Variants in NUDT19 observed in about 807,000 individuals in gnomAD.
NUDT19 encodes nudix hydrolase 19, also known as acyl-coenzyme A diphosphatase NUDT19.
Under a neutral mutation model 22.2 loss-of-function variants are expected in NUDT19, and 31 were observed. The observed-to-expected ratio is 1.40, with a 90% CI of 1.05 to 1.89. The LOEUF (loss-of-function observed/expected upper bound fraction) is 1.89, where lower values mean the gene tolerates loss of function less well. Ranked by LOEUF, NUDT19 falls within the 40% of genes most tolerant of loss-of-function variation. NUDT19 has a pLI of 0.00. For synonymous variants in NUDT19, 325 were observed against 230.8 expected (o/e 1.41, Z -3.70); for missense variants, 752 against 514.2 (o/e 1.46, Z -4.47).
Position 32,692,340 on chromosome 19 carries a change from G to A in NUDT19, c.380G>A (p.Cys127Tyr), listed in dbSNP as rs953356345. ...TLPEDVAFRI[C>Y]AVREAFEEAG... ...CCTGAGGACGTAGCCTTCCGCATCT[G>A]CGCCGTGCGGGAGGCCTTTGAGGAG... Residue 127 changes from cysteine (C) to tyrosine (Y), a missense_variant, in exon 1 of 3, where the codon TGC (cysteine) becomes TAC (tyrosine). Cys to Tyr is a radical substitution (Grantham distance 194). Transcript: ENST00000397061. 1.3e-6 allele frequency: 2 copies of A among 1,591,044 alleles called. No individual in the cohort carries two copies. Among genetic ancestry groups the A allele is most frequent in the Admixed American group, 1.7e-5 (1 of 59,612 alleles).
intron 2 of NUDT19, 76 bp downstream of exon 2, chr19:32,709,468 C>A: frequency 8.8e-7 from 1 of 1,137,746 alleles, no homozygotes; most frequent in Non-Finnish European, 1.3e-6. Flanking sequence ...TATTGCCCAA[C>A]GTAGAGACAG....
chr19:32,692,328 C>T lies in NUDT19; in HGVS notation c.368C>T (p.Ala123Val), dbSNP rs1359908411. The change falls in exon 1 of 3, where the codon GCC becomes GTC. Residue 123 changes from alanine (A) to valine (V), a missense_variant. Coordinates refer to ENST00000397061, the MANE Select transcript of NUDT19 (RefSeq NM_001105570.2). The stretch of plus-strand genomic sequence containing the variant: ...ACTGGGACGCTGCCTGAGGACGTAG[C>T]CTTCCGCATCTGCGCCGTGCGGGAG... ...DNTGTLPEDV[A>V]FRICAVREAF... is the part of the protein sequence containing the mutation. 2 of 1,591,932 alleles carry T rather than the reference C, an allele frequency of 1.3e-6. No individual in the cohort carries two copies. Among genetic ancestry groups the T allele is most frequent in the Non-Finnish European group, 8.5e-7 (1 of 1,177,250 alleles).
intron 1 of NUDT19, among the ~76,000 whole-genome samples, chr19:32,705,160 C>T (rs552562356): frequency 2.7e-5 from 4 of 147,054 alleles, no homozygotes; most frequent in South Asian, 2.1e-4. Context: ...CAGTGACTCA[C>T]GCCTGTAACT....
chr19:32,710,130 G>C (rs1005926581), intron 2 of NUDT19, among the ~76,000 whole-genome samples: 15 of 151,718 alleles, frequency 9.9e-5, no homozygotes, highest in Non-Finnish European at 2.1e-4. Flanking sequence ...TTCTGCCTCA[G>C]CCTCCCGAGT....
In NUDT19 at chr19:32,711,828, G is replaced by A. The variant is rs1968450609; in HGVS notation, c.999G>A (p.Met333Ile). 6.2e-7 allele frequency: 1 copy of A among 1,613,744 alleles called. No individual in the cohort carries two copies. The highest frequency in any genetic ancestry group is 8.5e-7 in the Non-Finnish European group (1 of 1,179,682). ...MSTEKKTEEI[M>I]KEGKQFHRIV... ...CTGAAAAAAAGACTGAGGAAATCATGAAGGAAGGCAAGCAGTTTCACCGGA... is the reference window on the plus strand; with the variant it reads ...CTGAAAAAAAGACTGAGGAAATCATAAAGGAAGGCAAGCAGTTTCACCGGA... Residue 333 changes from methionine (M) to isoleucine (I), a missense_variant, in exon 3 of 3, where the codon ATG (methionine) becomes ATA (isoleucine). Coordinates refer to ENST00000397061, the MANE Select transcript of NUDT19 (RefSeq NM_001105570.2).
At chr19:32,696,654 G>T (rs143688071) in intron 1 of NUDT19, among the ~76,000 whole-genome samples, 1,661 of 152,044 alleles carry the variant, frequency 0.011, 39 homozygotes, top group African/African-American at 0.038. Flanking sequence ...TAATAAGGGT[G>T]TGGGACTTTC....
intron 1 of NUDT19, among the ~76,000 whole-genome samples, chr19:32,695,821 C>T (rs1568431923): frequency 6.6e-6 from 1 of 152,262 alleles, no homozygotes; most frequent in Admixed American, 6.5e-5. Flanking sequence ...ATTAGATAAG[C>T]ATACTTGCTA....
intron 1 of NUDT19, among the ~76,000 whole-genome samples, chr19:32,696,787 G>A (rs1235782910): frequency 6.6e-6 from 1 of 152,200 alleles, no homozygotes; most frequent in African/African-American, 2.4e-5. Flanking sequence ...CTTGAGGACA[G>A]CTCCAAGACA....
chr19:32,693,154 T>C (rs1039860575), intron 1 of NUDT19, among the ~76,000 whole-genome samples: 5 of 152,306 alleles, frequency 3.3e-5, no homozygotes, highest in Non-Finnish European at 7.4e-5. Context: ...TCGCTGACTT[T>C]AAGAATAAAG....
chr19:32,702,603 A>G (rs1024761121), intron 1 of NUDT19, among the ~76,000 whole-genome samples: 1 of 152,152 alleles, frequency 6.6e-6, no homozygotes, highest in African/African-American at 2.4e-5. Flanking sequence ...GCGAGACTCC[A>G]TCTCCAAAAA....
At chr19:32,710,397 T>C (rs1447838409) in intron 2 of NUDT19, among the ~76,000 whole-genome samples, 3 of 134,750 alleles carry the variant, frequency 2.2e-5, no homozygotes, top group Non-Finnish European at 4.8e-5. Context: ...AGTAAAATGT[T>C]AACTCTATCT....
At chr19:32,708,627 G>T (rs1198483918) in intron 1 of NUDT19, among the ~76,000 whole-genome samples, 2 of 152,094 alleles carry the variant, frequency 1.3e-5, no homozygotes, top group Non-Finnish European at 2.9e-5. Context: ...GTCATGCCAG[G>T]TGACTTCCTG....
chr19:32,697,638 C>T (rs1232678847), intron 1 of NUDT19, among the ~76,000 whole-genome samples: 1 of 152,110 alleles, frequency 6.6e-6, no homozygotes, highest in Admixed American at 6.5e-5. Flanking sequence ...AGGAATTTGT[C>T]CCTTTCTTCA....
intron 2 of NUDT19, among the ~76,000 whole-genome samples, chr19:32,710,229 G>C (rs562903768): frequency 6.6e-6 from 1 of 150,918 alleles, no homozygotes; most frequent in Non-Finnish European, 1.5e-5. Context: ...GGCCAGGCTG[G>C]TCTTGAACTC....
intron 1 of NUDT19, among the ~76,000 whole-genome samples, chr19:32,706,117 G>A (rs1968384713): frequency 6.6e-6 from 1 of 152,100 alleles, no homozygotes; most frequent in Non-Finnish European, 1.5e-5. Context: ...AAAAAAAAGA[G>A]GCATCATTCT....
Position 32,712,114 on chromosome 19 carries a change from G to A in NUDT19, c.*157G>A, listed in dbSNP as rs1056691310. The A allele has an allele frequency of 9.8e-6, 6 of 612,256 alleles. No individual in the cohort carries two copies. Among genetic ancestry groups the A allele is most frequent in the Admixed American group, 2.8e-5 (1 of 35,096 alleles). 37.9% of individuals were successfully genotyped at this position (612,256 alleles called of 1,614,324 possible). On this transcript the variant is annotated 3_prime_UTR_variant, in exon 3 of 3. Coordinates refer to ENST00000397061, the MANE Select transcript of NUDT19 (RefSeq NM_001105570.2). ...TTTCGAGACAGAGTCTCAATCTGTC[G>A]CCCAGGCTGGAGTGCAGTGGCATGA...
chr19:32,709,477 A>T, intron 2 of NUDT19, 85 bp downstream of exon 2: 1 of 1,022,114 alleles, frequency 9.8e-7, no homozygotes, highest in Non-Finnish European at 1.5e-6. Context: ...ACGTAGAGAC[A>T]GGAATTACAG....
At chr19:32,697,644 C>T (rs114112235) in intron 1 of NUDT19, among the ~76,000 whole-genome samples, 2,019 of 152,274 alleles carry the variant, frequency 0.013, 43 homozygotes, top group African/African-American at 0.046. Context: ...TTGTCCCTTT[C>T]TTCAACTGTC....
intron 1 of NUDT19, among the ~76,000 whole-genome samples, chr19:32,700,765 G>T (rs1037109684): frequency 2.6e-5 from 4 of 152,046 alleles, no homozygotes; most frequent in Non-Finnish European, 4.4e-5. Flanking sequence ...GGCCAGTACA[G>T]TGACTGATAC....
Sources: gnomAD v4.1 joint callset for allele counts (sites outside exome capture counted in the v4.1 genomes callset) on GRCh38, gnomAD v4.1.1 for gene constraint, MANE v1.5 for transcripts, NCBI Gene and HGNC (gene_info 2026-07-23, HGNC 2026-07-21) for gene names.